PDZRN3: variants seen among roughly 807,000 people sequenced by gnomAD.
PDZRN3 encodes the protein E3 ubiquitin-protein ligase PDZRN3.
PDZRN3 carries 38 observed loss-of-function variants against 85.7 expected under a neutral mutation model. The observed-to-expected ratio is 0.44, with a 90% CI of 0.34 to 0.58. The LOEUF is 0.58. Ranked by LOEUF, PDZRN3 falls within the 20% of genes least tolerant of loss-of-function variation. The pLI, the probability that PDZRN3 is intolerant of heterozygous loss-of-function variation, is 0.01. For synonymous variants in PDZRN3, 759 were observed against 638.0 expected, an observed-to-expected ratio of 1.19 and a Z score of -2.86; for missense variants, 1,629 against 1,506.4, an observed-to-expected ratio of 1.08 and a Z score of -1.35.
At chr3:73,480,426 T>C (rs1463895365) in intron 3 of PDZRN3, among the ~76,000 whole-genome samples, 1 of 152,216 alleles carries the variant, frequency 6.6e-6, no homozygotes, top group Non-Finnish European at 1.5e-5. Flanking sequence ...TTTGGTTTTC[T>C]GCACACATAA....
intron 3 of PDZRN3, among the ~76,000 whole-genome samples, chr3:73,483,030 A>AC (rs1407612106): frequency 1.3e-5 from 2 of 152,218 alleles, no homozygotes; most frequent in Non-Finnish European, 2.9e-5. Context: ...GAGAACAAAC[A>AC]CGCATGCCTT....
intron 3 of PDZRN3, among the ~76,000 whole-genome samples, chr3:73,507,103 A>G (rs889015415): frequency 6.6e-6 from 1 of 152,220 alleles, no homozygotes; most frequent in African/African-American, 2.4e-5. Flanking sequence ...AAAAGTAGGC[A>G]ACAATACACT....
intron 3 of PDZRN3, among the ~76,000 whole-genome samples, chr3:73,568,836 G>GC (rs1469111106): frequency 6.6e-6 from 1 of 152,218 alleles, no homozygotes; most frequent in Non-Finnish European, 1.5e-5. Context: ...CAGGTGATAT[G>GC]CATATCCCAA....
At chr3:73,500,526 T>G (rs554096643) in intron 3 of PDZRN3, among the ~76,000 whole-genome samples, 1 of 152,306 alleles carries the variant, frequency 6.6e-6, no homozygotes, top group South Asian at 2.1e-4. Flanking sequence ...CTAATCACCA[T>G]GGCTCCACTC....
At position 73,453,421 on chromosome 3, in the gene PDZRN3, A is replaced by AC. The variant is rs1702911701; in HGVS notation, c.919-49027_919-49026insG. ...CTTCGTCTCAAAAAAAAAAAAAAAA[A>AC]AACAAAAAAAAAAAACAAAGAAAGA... On this transcript the variant is annotated intron_variant, in intron 3 of 9. Coordinates refer to ENST00000263666, the MANE Select transcript of PDZRN3 (RefSeq NM_015009.3). 4.7e-4 allele frequency among the ~76,000 whole-genome samples: 25 copies of AC among 52,836 alleles called. 1 individual carries two copies. Among genetic ancestry groups the AC allele is most frequent in the African/African-American group, 1.2e-3 (21 of 17,556 alleles). 34.7% of individuals were successfully genotyped at this position (52,836 alleles called of 152,430 possible).
At chr3:73,478,519 C>T (rs1269435987) in intron 3 of PDZRN3, among the ~76,000 whole-genome samples, 1 of 151,432 alleles carries the variant, frequency 6.6e-6, no homozygotes, top group African/African-American at 2.4e-5. Flanking sequence ...ATAATTATTT[C>T]ATTATATATT....
At chr3:73,459,181 G>A (rs975366038) in intron 3 of PDZRN3, among the ~76,000 whole-genome samples, 6 of 151,894 alleles carry the variant, frequency 4.0e-5, no homozygotes, top group Admixed American at 1.3e-4. Flanking sequence ...CAGATCTCCT[G>A]AGAACTCACT....
intron 3 of PDZRN3, among the ~76,000 whole-genome samples, chr3:73,574,804 C>T (rs1575746292): frequency 1.3e-5 from 2 of 152,198 alleles, no homozygotes; most frequent in South Asian, 4.1e-4. Flanking sequence ...TAAGAAGGTG[C>T]TTTTTACAAC....
chr3:73,584,937 C>T (rs1055049798), intron 3 of PDZRN3, among the ~76,000 whole-genome samples: 4 of 152,132 alleles, frequency 2.6e-5, no homozygotes, highest in African/African-American at 9.7e-5. Context: ...AAAGAAACTG[C>T]ACTGGTTTTA....
At position 73,383,833 on chromosome 3, in the gene PDZRN3, A is replaced by G. The variant is rs368638656; in HGVS notation, c.2733T>C (p.Ser911=). ...SLVSMCKDLS[S]PTPSEPRMEW... ...CCATGCGCGGCTCCGACGGGGTGGG[A>G]GAGCTCAGGTCCTTGCACATGCTCA... Residue 911 remains serine, a synonymous_variant, in exon 10 of 10, where the codon TCT becomes TCC. Transcript: ENST00000263666. 5.6e-6 allele frequency: 9 copies of G among 1,613,364 alleles called. No homozygotes were observed. The highest frequency in any genetic ancestry group is 1.1e-5 in the South Asian group (1 of 91,072).
At position 73,624,136 on chromosome 3, in the gene PDZRN3, G is replaced by A. The variant is rs77852929; in HGVS notation, c.690C>T (p.Leu230=). 1.1e-5 allele frequency: 17 copies of A among 1,488,176 alleles called. No individual in the cohort carries two copies. The Admixed American group carries it at 3.6e-4, about 32-fold the overall frequency. 92.2% of individuals were successfully genotyped at this position (1,488,176 alleles called of 1,614,324 possible). ...CGGGCGGCGCGGCCACGCAGCGGCT[G>A]AGCGAGTCGAGGCGCGCGCTGTATT... ...FTEYSARLDS[L]SRCVAAPPGG... Residue 230 remains leucine (L), a synonymous_variant, in exon 1 of 10, where the codon CTC becomes CTT. Coordinates refer to ENST00000263666, the MANE Select transcript of PDZRN3 (RefSeq NM_015009.3).
At chr3:73,533,915 T>C (rs966733699) in intron 3 of PDZRN3, among the ~76,000 whole-genome samples, 1 of 152,092 alleles carries the variant, frequency 6.6e-6, no homozygotes, top group African/African-American at 2.4e-5. Flanking sequence ...CTGTAGTCCC[T>C]ACCCCCAATT....
chr3:73,493,890 T>C (rs1703821388), intron 3 of PDZRN3, among the ~76,000 whole-genome samples: 1 of 152,204 alleles, frequency 6.6e-6, no homozygotes, highest in South Asian at 2.1e-4. Flanking sequence ...TTGGCGGTGC[T>C]AGGGGCCACT....
At chr3:73,468,191 T>C (rs1389794408) in intron 3 of PDZRN3, among the ~76,000 whole-genome samples, 1 of 151,958 alleles carries the variant, frequency 6.6e-6, no homozygotes, top group Non-Finnish European at 1.5e-5. Context: ...GGAAGCATCA[T>C]CAGAGAGATG....
chr3:73,390,734 T>C (rs936049507), intron 6 of PDZRN3, among the ~76,000 whole-genome samples: 1 of 151,434 alleles, frequency 6.6e-6, no homozygotes, highest in Non-Finnish European at 1.5e-5. Context: ...AGTTGGGAAA[T>C]GTGAATCTGC....
At chr3:73,441,497 A>C (rs947945840) in intron 3 of PDZRN3, among the ~76,000 whole-genome samples, 3 of 151,268 alleles carry the variant, frequency 2.0e-5, no homozygotes, top group Non-Finnish European at 4.4e-5. Context: ...TGGCATGTGG[A>C]CCATAATTTG....
chr3:73,597,792 T>C (rs1702453434), intron 3 of PDZRN3, among the ~76,000 whole-genome samples: 1 of 149,878 alleles, frequency 6.7e-6, no homozygotes, highest in Non-Finnish European at 1.5e-5. Context: ...GAACAGCACA[T>C]GCCTCAAAGT....
At chr3:73,618,173 C>G (rs1396713031) in intron 1 of PDZRN3, among the ~76,000 whole-genome samples, 1 of 152,200 alleles carries the variant, frequency 6.6e-6, no homozygotes, top group Non-Finnish European at 1.5e-5. Context: ...ATTTAACTTT[C>G]TGAGCTTCTG....
At chr3:73,581,998 G>A (rs144857165) in intron 3 of PDZRN3, among the ~76,000 whole-genome samples, 405 of 152,130 alleles carry the variant, frequency 2.7e-3, no homozygotes, top group Non-Finnish European at 5.2e-3. Flanking sequence ...TACCCAGGAG[G>A]CTGATGTGAG....
Sources: allele counts gnomAD v4.1 joint callset (sites outside exome capture counted in the v4.1 genomes callset), GRCh38; gene constraint gnomAD v4.1.1; transcripts MANE v1.5; gene names NCBI Gene and HGNC (gene_info 2026-07-23, HGNC 2026-07-21).